DNTTIP1: variants seen among roughly 807,000 people sequenced by gnomAD.
DNTTIP1 encodes the protein deoxynucleotidyltransferase terminal interacting protein 1, also known as deoxynucleotidyltransferase terminal-interacting protein 1.
In DNTTIP1, 22 loss-of-function variants were observed where a neutral mutation model predicts 52.9. The observed-to-expected ratio is 0.42, with a 90% CI of 0.30 to 0.59. DNTTIP1 has a LOEUF of 0.59. Ranked by LOEUF, DNTTIP1 falls within the 20% of genes least tolerant of loss-of-function variation. DNTTIP1 has a pLI of 0.22. For missense variants in DNTTIP1, 286 were observed against 435.5 expected (o/e 0.66, Z 3.06); for synonymous variants, 136 against 155.1 (o/e 0.88, Z 0.92).
intron 3 of DNTTIP1, among the ~76,000 whole-genome samples, chr20:45,794,388 T>G (rs1440032983): frequency 6.6e-6 from 1 of 151,854 alleles, no homozygotes; most frequent in Admixed American, 6.6e-5. Flanking sequence ...CTCAAATGAT[T>G]TGCCTGCCTT....
chr20:45,803,309 C>G (rs777012207), intron 7 of DNTTIP1, 24 bp from the exon 8 acceptor site: 1 of 1,613,792 alleles, frequency 6.2e-7, no homozygotes, highest in Non-Finnish European at 8.5e-7. Flanking sequence ...GGAGAATTCA[C>G]CTTTATTCTT....
intron 1 of DNTTIP1, 132 bp from the exon 2 acceptor site, chr20:45,792,545 C>T (rs1981063632): frequency 5.7e-6 from 4 of 701,954 alleles, no homozygotes; most frequent in Non-Finnish European, 9.4e-6. Context: ...TATCGTCCCA[C>T]CCCAAGGCGG....
chr20:45,801,606 T>A, intron 6 of DNTTIP1, 148 bp downstream of exon 6: 1 of 772,374 alleles, frequency 1.3e-6, no homozygotes. Context: ...CTGGGTAACA[T>A]AGTGAGACCC....
chr20:45,795,392 G>T lies in DNTTIP1; in HGVS notation c.321G>T (p.Glu107Asp), dbSNP rs746223459. The change falls in exon 4 of 13, where the codon GAG becomes GAT. Residue 107 changes from glutamate to aspartate, a missense_variant. This residue lies in a region of DNTTIP1 where 208 missense variants were observed against 266.5 expected (regional missense o/e 0.78). Coordinates refer to ENST00000372622, the MANE Select transcript of DNTTIP1 (RefSeq NM_052951.3). Reference protein sequence around the residue: ...ALNVRDNVGEEVDAEQLIQEA... With the variant: ...ALNVRDNVGEDVDAEQLIQEA... ...ACGTGCGAGACAATGTTGGGGAGGA[G>T]GTGGACGCAGAGCAGCTGATCCAGG... 3 of 1,611,758 alleles carry T rather than the reference G, an allele frequency of 1.9e-6. No homozygotes were observed. Among genetic ancestry groups the T allele is most frequent in the Non-Finnish European group, 1.7e-6 (2 of 1,178,908 alleles).
chr20:45,792,809 TC>T, intron 2 of DNTTIP1, 62 bp downstream of exon 2: 1 of 1,489,060 alleles, frequency 6.7e-7, no homozygotes, highest in East Asian at 2.3e-5. Context: ...AGATTTGGGA[TC>T]CCCAGTGCAC....
At chr20:45,795,615 G>A (rs1276340891) in intron 4 of DNTTIP1, among the ~76,000 whole-genome samples, 172 bp downstream of exon 4, 1 of 152,176 alleles carries the variant, frequency 6.6e-6, no homozygotes, top group Non-Finnish European at 1.5e-5. Flanking sequence ...CTTGGGCAAC[G>A]TGGCTAAACC....
intron 2 of DNTTIP1, 60 bp from the exon 3 acceptor site, chr20:45,793,861 A>G (rs1981136165): frequency 1.9e-6 from 2 of 1,043,426 alleles, no homozygotes; most frequent in African/African-American, 3.2e-5. Context: ...TTAACTGGGG[A>G]GGCTGGGAAA....
At chr20:45,796,501 G>T (rs374135620) in intron 4 of DNTTIP1, 38 of 471,122 alleles carry the variant, frequency 8.1e-5, no homozygotes, top group African/African-American at 7.6e-4. Context: ...TGGTATCATG[G>T]GGATGAGCAC....
chr20:45,801,017 A>C, intron 4 of DNTTIP1, 57 bp from the exon 5 acceptor site: 1 of 1,388,978 alleles, frequency 7.2e-7, no homozygotes, highest in Non-Finnish European at 1.0e-6. Flanking sequence ...GGAAGTAGGT[A>C]GGGTGTGCTT....
At position 45,791,995 on chromosome 20, in the gene DNTTIP1, C is replaced by A; in HGVS notation, c.-10C>A. ...CAGAGTCCAGCGGAGTTGTGGGGGC[C>A]GGGGGCGCCATGGGAGCCACTGGCG... On this transcript the variant is annotated 5_prime_UTR_variant, in exon 1 of 13. Coordinates refer to ENST00000372622, the MANE Select transcript of DNTTIP1 (RefSeq NM_052951.3). 8.0e-7 allele frequency: 1 copy of A among 1,249,796 alleles called. No individual in the cohort carries two copies. Among genetic ancestry groups the A allele is most frequent in the Non-Finnish European group, 1.0e-6 (1 of 995,008 alleles). 77.4% of individuals were successfully genotyped at this position (1,249,796 alleles called of 1,614,324 possible). A position where few individuals can be genotyped will look rare whatever the true frequency, so the allele number is the denominator to read the frequency against.
intron 6 of DNTTIP1, 88 bp downstream of exon 6, chr20:45,801,546 G>T: frequency 7.1e-7 from 1 of 1,412,838 alleles, no homozygotes; most frequent in South Asian, 1.2e-5. Flanking sequence ...CCAACACTTT[G>T]GGAGGCCAAG....
Position 45,795,247 on chromosome 20 carries a change from G to A in DNTTIP1, c.274-98G>A, listed in dbSNP as rs572905366. On this transcript the variant is annotated intron_variant, in intron 3 of 12. Coordinates refer to ENST00000372622, the MANE Select transcript of DNTTIP1 (RefSeq NM_052951.3). ...CTGCTCATAATCACTTTTCCCTTCT[G>A]TATGAAGCTAGGATAAAGACTTATT... 3.8e-5 allele frequency: 25 copies of A among 663,710 alleles called. No individual in the cohort carries two copies. The South Asian group carries it at 4.7e-4, about 13-fold the overall frequency. 41.1% of individuals were successfully genotyped at this position (663,710 alleles called of 1,614,324 possible). A position where few individuals can be genotyped will look rare whatever the true frequency, so the allele number is the denominator to read the frequency against.
At chr20:45,805,891 C>T (rs112195646) in intron 10 of DNTTIP1, among the ~76,000 whole-genome samples, 8,701 of 152,126 alleles carry the variant, frequency 0.057, 606 homozygotes, top group African/African-American at 0.16. Flanking sequence ...CGAGACCAGC[C>T]TGACCAACAT....
intron 4 of DNTTIP1, chr20:45,796,587 T>G: frequency 2.1e-6 from 1 of 470,436 alleles, no homozygotes; most frequent in Non-Finnish European, 4.4e-6. Context: ...CCCAAGATAG[T>G]AGAGAACCTG....
rs963221835 is a variant in DNTTIP1 at position 45,805,209 on chromosome 20, G to C, written c.662+5G>C. 1 of 1,614,208 alleles carries C rather than the reference G, an allele frequency of 6.2e-7. No homozygotes were observed. The highest frequency in any genetic ancestry group is 1.6e-4 in the Middle Eastern group (1 of 6,062). ...GTTGGGATCTCGAGCCAACAAGTAAGTTTAAGAGCTTTGGCACTGATTGAG... is the reference window on the plus strand; with the variant it reads ...GTTGGGATCTCGAGCCAACAAGTAACTTTAAGAGCTTTGGCACTGATTGAG... On this transcript the variant is annotated splice_donor_5th_base_variant and intron_variant, in intron 9 of 12. Coordinates refer to ENST00000372622, the MANE Select transcript of DNTTIP1 (RefSeq NM_052951.3).
chr20:45,797,641 A>T (rs142824786), intron 4 of DNTTIP1, among the ~76,000 whole-genome samples: 244 of 152,350 alleles, frequency 1.6e-3, no homozygotes, highest in African/African-American at 5.4e-3. Context: ...ACAAGAAAAA[A>T]ACAAGCAACC....
rs187781952 is a variant in DNTTIP1, at chr20:45,809,254, G to T, written c.795+69G>T. 5.1e-6 allele frequency: 7 copies of T among 1,375,338 alleles called. No homozygotes were observed. Among genetic ancestry groups the T allele is most frequent in the Non-Finnish European group, 1.0e-6 (1 of 966,230 alleles). The allele number at this position is 1,375,338 out of a possible 1,614,324, so 85.2% of individuals were successfully genotyped here. ...CTGGGAACCAGGATTTTGGCTGTGG[G>T]TGACAGCCTACCTCCAAATCTGACT... is the stretch of plus-strand genomic sequence containing the variant. On this transcript the variant is annotated intron_variant, in intron 11 of 12. Coordinates refer to ENST00000372622, the MANE Select transcript of DNTTIP1 (RefSeq NM_052951.3). This position sits in a 1 kb window ranked among gnomAD's most constrained non-coding sequence, Gnocchi z 4.2.
chr20:45,798,011 T>C (rs1981298494), intron 4 of DNTTIP1, among the ~76,000 whole-genome samples: 1 of 152,228 alleles, frequency 6.6e-6, no homozygotes, highest in Admixed American at 6.5e-5. Flanking sequence ...TAAATCATGC[T>C]GCTATAAAGA....
chr20:45,793,909 T>G lies in DNTTIP1; in HGVS notation c.177-12T>G. On this transcript the variant is annotated splice_polypyrimidine_tract_variant and intron_variant, in intron 2 of 12. Coordinates refer to ENST00000372622, the MANE Select transcript of DNTTIP1 (RefSeq NM_052951.3). ...GACATGCCCCCTCACCCTGTCTCCC[T>G]CCTGAATGCAGTTTCACAGATCCTG... is the stretch of plus-strand genomic sequence containing the variant. 1 of 1,568,498 alleles carries G rather than the reference T, an allele frequency of 6.4e-7. No homozygotes were observed. Among genetic ancestry groups the G allele is most frequent in the South Asian group, 1.2e-5 (1 of 83,028 alleles).
Sources: gnomAD v4.1 joint callset for allele counts (sites outside exome capture counted in the v4.1 genomes callset) on GRCh38, gnomAD v4.1.1 for gene constraint, gnomAD v4.1.1 regional missense constraint, Gnocchi (gnomAD v3.1) non-coding constraint, MANE v1.5 for transcripts, NCBI Gene and HGNC (gene_info 2026-07-23, HGNC 2026-07-21) for gene names.